The following GGNBP2 variants were observed in gnomAD, a reference collection of about 807,000 sequenced individuals.
The protein encoded by GGNBP2 is gametogenetin-binding protein 2.
A neutral mutation model predicts 85.9 loss-of-function variants in GGNBP2; 10 were observed. The ratio of observed to expected loss-of-function variants is 0.12; its 90% CI spans 0.07 to 0.20. GGNBP2 has a LOEUF of 0.20. Ranked by LOEUF, GGNBP2 falls within the 10% of genes least tolerant of loss-of-function variation. The probability of loss-of-function intolerance (pLI) is 1.00; values close to 1 mark genes in which losing one functional copy is unlikely to be tolerated. For synonymous variants in GGNBP2, 287 were observed against 285.7 expected (o/e 1.00, Z -0.05); for missense variants, 595 against 857.8 (o/e 0.69, Z 3.83).
chr17:36,555,036 A>G (rs1243602059), intron 3 of GGNBP2, 136 bp downstream of exon 3: 6 of 583,656 alleles, frequency 1.0e-5, no homozygotes, highest in Admixed American at 3.0e-5. Flanking sequence ...CACCATTGCT[A>G]TAGTAAGCAT....
In GGNBP2 at chr17:36,581,488, A is replaced by G; in HGVS notation, c.1165A>G (p.Ile389Val). The G allele has an allele frequency of 6.2e-7, 1 of 1,613,144 alleles. No homozygotes were observed. The highest frequency in any genetic ancestry group is 8.5e-7 in the Non-Finnish European group (1 of 1,179,636). The stretch of plus-strand genomic sequence containing the variant: ...ACGAAAAAATAAGTGTGTGTGTGAT[A>G]TTCCTACTCCCTTACAAACAGCAGA... ...NRRKNKCVCD[I>V]PTPLQTADEK... The change falls in exon 9 of 14, where the codon ATT (isoleucine) becomes GTT (valine). Residue 389 changes from isoleucine (I) to valine (V), a missense_variant. Physicochemically the swap from Ile to Val is conservative, Grantham distance 29. Around this residue, in one of 9 missense-constraint regions of GGNBP2, gnomAD observed 85 missense variants for 92.6 expected, o/e 0.92. Coordinates refer to ENST00000613102, the MANE Select transcript of GGNBP2 (RefSeq NM_024835.5).
chr17:36,559,296 CA>C (rs892895973), intron 4 of GGNBP2, among the ~76,000 whole-genome samples: 4,560 of 31,514 alleles, frequency 0.14, 37 homozygotes, highest in African/African-American at 0.25. Context: ...GACTCTGTCT[CA>C]AAAAAAAAAA....
Position 36,589,199 on chromosome 17 carries a change from A to ACC in GGNBP2, c.1891-9_1891-8insCC. ...AAGTCATAGTCTTAACTACTGCTTTAATTTGCAGGATGAGTCTGAATGTAC... is the reference window on the plus strand; with the variant it reads ...AAGTCATAGTCTTAACTACTGCTTTACCATTTGCAGGATGAGTCTGAATGTAC... On this transcript the variant is annotated splice_polypyrimidine_tract_variant and intron_variant, in intron 13 of 13. Transcript: ENST00000613102. 6.3e-7 allele frequency: 1 copy of ACC among 1,596,912 alleles called. No homozygotes were observed. The highest frequency in any genetic ancestry group is 1.1e-5 in the South Asian group (1 of 90,558).
intron 4 of GGNBP2, among the ~76,000 whole-genome samples, chr17:36,560,489 G>C (rs907651466): frequency 7.9e-5 from 12 of 152,136 alleles, no homozygotes; most frequent in Admixed American, 3.3e-4. Flanking sequence ...GGGCTTAAGT[G>C]ATCCTTTCAC....
intron 6 of GGNBP2, 57 bp downstream of exon 6, chr17:36,567,833 T>G: frequency 2.3e-6 from 2 of 855,876 alleles, no homozygotes; most frequent in Admixed American, 3.8e-5. Context: ...GTCAGTCACC[T>G]AGAGTGGCCT....
At chr17:36,548,775 C>G (rs2142673660) in intron 2 of GGNBP2, among the ~76,000 whole-genome samples, 1 of 151,822 alleles carries the variant, frequency 6.6e-6, no homozygotes, top group East Asian at 1.9e-4. Flanking sequence ...AAAAACCTGT[C>G]TCTACTGAAA....
intron 8 of GGNBP2, 53 bp from the exon 9 acceptor site, chr17:36,581,291 A>C (rs1488675392): frequency 3.9e-6 from 5 of 1,285,232 alleles, no homozygotes; most frequent in African/African-American, 1.5e-5. Flanking sequence ...TCTCAAAAAA[A>C]AAAGAAAAGA....
chr17:36,557,214 G>T lies in GGNBP2; in HGVS notation c.306G>T (p.Gln102His). 1 of 1,614,106 alleles carries T rather than the reference G, an allele frequency of 6.2e-7. No homozygotes were observed. The change falls in exon 4 of 14, where the codon CAG (glutamine) becomes CAT (histidine). Residue 102 changes from glutamine to histidine, a missense_variant. This residue lies in a region of GGNBP2 where 216 missense variants were observed against 293.4 expected (regional missense o/e 0.74). Coordinates refer to ENST00000613102, the MANE Select transcript of GGNBP2 (RefSeq NM_024835.5). ...GCAGTGTGGAGCGTCTCTTTTCCCA[G>T]CTTGTAGAGTCTGGAAATCCTGCTC... ...CRRSVERLFS[Q>H]LVESGNPALE...
Position 36,560,870 on chromosome 17 carries a change from G to A in GGNBP2, c.526G>A (p.Gly176Arg). ...AGATACGCACAAGCCAAAACCTTTG[G>A]GGTAAGTAGAATTGAATACCAAGAG... ...SLDTHKPKPL[G>R]GCWMDVWELM... Residue 176 changes from glycine to arginine, a missense_variant and splice_region_variant, in exon 5 of 14, where the codon GGA (glycine) becomes AGA (arginine). Physicochemically the swap from Gly to Arg is moderately radical, Grantham distance 125 (BLOSUM62 -2). Transcript: ENST00000613102. 1.3e-6 allele frequency: 2 copies of A among 1,526,710 alleles called. No homozygotes were observed. The highest frequency in any genetic ancestry group is 1.8e-6 in the Non-Finnish European group (2 of 1,118,318). The allele number at this position is 1,526,710 out of a possible 1,614,324, so 94.6% of individuals were successfully genotyped here. A position where few individuals can be genotyped will look rare whatever the true frequency, so the allele number is the denominator to read the frequency against.
intron 1 of GGNBP2, 187 bp from the exon 2 acceptor site, chr17:36,545,432 A>G (rs1053780954): frequency 1.1e-5 from 4 of 350,760 alleles, no homozygotes; most frequent in African/African-American, 2.7e-5. Flanking sequence ...GGAGAGAGGG[A>G]GGGAGCGCGG....
intron 5 of GGNBP2, among the ~76,000 whole-genome samples, chr17:36,563,848 A>T (rs182281963): frequency 3.6e-3 from 545 of 149,430 alleles, no homozygotes; most frequent in African/African-American, 0.013. Context: ...GGTTCAAGTG[A>T]TTCTCCTGCC....
chr17:36,572,218 G>C (rs1335060385), intron 6 of GGNBP2, among the ~76,000 whole-genome samples: 1 of 152,024 alleles, frequency 6.6e-6, no homozygotes, highest in Non-Finnish European at 1.5e-5. Context: ...GTAAAATAGG[G>C]GGAAAATATT....
intron 9 of GGNBP2, among the ~76,000 whole-genome samples, chr17:36,584,077 T>G (rs1425708774): frequency 2.0e-5 from 3 of 152,264 alleles, no homozygotes; most frequent in African/African-American, 7.2e-5. Flanking sequence ...GCCAAAATTC[T>G]GATTGTTGTT....
chr17:36,562,763 G>A (rs966809877), intron 5 of GGNBP2, among the ~76,000 whole-genome samples: 2 of 149,250 alleles, frequency 1.3e-5, no homozygotes, highest in African/African-American at 2.5e-5. Context: ...TCAGGAGTTC[G>A]AGACCAGCCT....
chr17:36,585,354 G>C lies in GGNBP2; in HGVS notation c.1270G>C (p.Gly424Arg). Reference sequence around the variant, plus strand: ...CAAAGCCTGTGGCAGCACTGAAGATGGTAATACTTGTGTAGAAGTAATTGT... The same window carrying C: ...CAAAGCCTGTGGCAGCACTGAAGATCGTAATACTTGTGTAGAAGTAATTGT... Reference protein sequence around the residue: ...SCKACGSTEDGNTCVEVIVTN... With the variant: ...SCKACGSTEDRNTCVEVIVTN... The change falls in exon 10 of 14, where the codon GGT becomes CGT. Residue 424 changes from glycine to arginine, a missense_variant. By Grantham distance (125) the Gly-to-Arg change is moderately radical. This residue lies in a region of GGNBP2 where 85 missense variants were observed against 92.6 expected (regional missense o/e 0.92). Transcript: ENST00000613102. The C allele has an allele frequency of 6.2e-7, 1 of 1,612,102 alleles. No homozygotes were observed. Among genetic ancestry groups the C allele is most frequent in the Non-Finnish European group, 8.5e-7 (1 of 1,178,750 alleles).
In GGNBP2 at chr17:36,548,615, CAAAAAAAAAAAAAAAAAA is replaced by C. The variant is rs71159614; in HGVS notation, c.93+2818_93+2835del. 1.5e-3 allele frequency among the ~76,000 whole-genome samples: 35 copies of C among 23,736 alleles called. 1 individual carries two copies. Among genetic ancestry groups the C allele is most frequent in the South Asian group, 6.1e-3 (3 of 494 alleles). The allele number at this position is 23,736 out of a possible 152,430, so 15.6% of individuals were successfully genotyped here. On this transcript the variant is annotated intron_variant, in intron 2 of 13. Coordinates refer to ENST00000613102, the MANE Select transcript of GGNBP2 (RefSeq NM_024835.5). ...GGGCAACAAGAGCAAGACTCTGTCT[CAAAAAAAAAAAAAAAAAA>C]AAAAAAAAAAAAAAAAAAAGTAGCC...
chr17:36,574,879 G>A, intron 6 of GGNBP2: 1 of 732,356 alleles, frequency 1.4e-6, no homozygotes, highest in Non-Finnish European at 2.4e-6. Context: ...CCAGGATGAT[G>A]GCCCCGTGGA....
At chr17:36,563,076 G>A (rs2074435348) in intron 5 of GGNBP2, among the ~76,000 whole-genome samples, 2 of 150,188 alleles carry the variant, frequency 1.3e-5, no homozygotes, top group Non-Finnish European at 3.0e-5. Flanking sequence ...GACCGGCCTG[G>A]CCAACATGGT....
chr17:36,560,512 A>T (rs574650211), intron 4 of GGNBP2, among the ~76,000 whole-genome samples: 2 of 152,164 alleles, frequency 1.3e-5, no homozygotes, highest in Admixed American at 1.3e-4. Context: ...CGGCCTCCCA[A>T]ATAGCCGGGA....
Sources: gnomAD v4.1 joint callset for allele counts (sites outside exome capture counted in the v4.1 genomes callset) on GRCh38, gnomAD v4.1.1 for gene constraint, gnomAD v4.1.1 regional missense constraint, MANE v1.5 for transcripts, NCBI Gene and HGNC (gene_info 2026-07-23, HGNC 2026-07-21) for gene names.